Variants in ASAP3 observed in about 807,000 individuals in gnomAD.
The protein encoded by ASAP3 is arf-GAP with SH3 domain, ANK repeat and PH domain-containing protein 3.
A neutral mutation model predicts 118.2 loss-of-function variants in ASAP3; 85 were observed. The ratio of observed to expected loss-of-function variants is 0.72; its 90% CI spans 0.60 to 0.86. The LOEUF (loss-of-function observed/expected upper bound fraction) is 0.86, where lower values mean the gene tolerates loss of function less well. Ranked by LOEUF, ASAP3 falls within the 40% of genes least tolerant of loss-of-function variation. The pLI, the probability that ASAP3 is intolerant of heterozygous loss-of-function variation, is 0.00. For missense variants in ASAP3, 1,026 were observed against 1,175.0 expected, an observed-to-expected ratio of 0.87 and a Z score of 1.85; for synonymous variants, 432 against 477.4, an observed-to-expected ratio of 0.90 and a Z score of 1.24.
intron 1 of ASAP3, among the ~76,000 whole-genome samples, chr1:23,470,428 C>T (rs2148656969): frequency 6.6e-6 from 1 of 152,312 alleles, no homozygotes; most frequent in Admixed American, 6.5e-5. Flanking sequence ...ACCAAGGTGG[C>T]CCTTGGCCCT....
At chr1:23,459,482 C>A (rs1013864561) in intron 1 of ASAP3, among the ~76,000 whole-genome samples, 10 of 141,346 alleles carry the variant, frequency 7.1e-5, no homozygotes, top group African/African-American at 2.5e-4. Flanking sequence ...CTAAACCAAT[C>A]AGATTCTCTC....
intron 5 of ASAP3, among the ~76,000 whole-genome samples, chr1:23,449,213 T>A (rs189703656): frequency 3.0e-4 from 45 of 152,330 alleles, no homozygotes; most frequent in Admixed American, 9.2e-4. Flanking sequence ...TGGTCCTAGT[T>A]CTGGCTCATA....
intron 1 of ASAP3, among the ~76,000 whole-genome samples, chr1:23,471,040 C>G (rs959425807): frequency 6.6e-6 from 1 of 152,254 alleles, no homozygotes; most frequent in African/African-American, 2.4e-5. Flanking sequence ...TTGGACAGAG[C>G]AGCAAACAGT....
chr1:23,441,530 C>G (rs544778030), intron 8 of ASAP3, 57 bp from the exon 9 acceptor site: 15 of 1,605,950 alleles, frequency 9.3e-6, no homozygotes, highest in Non-Finnish European at 1.3e-5. Context: ...AGGCACAGAG[C>G]CCAGACCCAG....
chr1:23,475,855 A>T (rs1170643443), intron 1 of ASAP3, among the ~76,000 whole-genome samples: 1 of 152,156 alleles, frequency 6.6e-6, no homozygotes, highest in Non-Finnish European at 1.5e-5. Context: ...GTGCCTGTGG[A>T]AGCACGAGGA....
intron 3 of ASAP3, among the ~76,000 whole-genome samples, chr1:23,454,175 C>A (rs932101462): frequency 6.2e-5 from 9 of 144,922 alleles, no homozygotes; most frequent in Admixed American, 1.5e-4. Context: ...CATACGCCCC[C>A]ACACCTGGCA....
chr1:23,475,747 G>A (rs746452546), intron 1 of ASAP3, among the ~76,000 whole-genome samples: 10 of 152,166 alleles, frequency 6.6e-5, no homozygotes, highest in Non-Finnish European at 1.3e-4. Flanking sequence ...AAGGCAAGAG[G>A]ATCACTTAAG....
chr1:23,476,855 G>A (rs1642144160), intron 1 of ASAP3, among the ~76,000 whole-genome samples: 1 of 151,810 alleles, frequency 6.6e-6, no homozygotes, highest in South Asian at 2.1e-4. Context: ...TATTCTCTAT[G>A]AATGCTCCTT....
chr1:23,458,016 C>G (rs1641444174), intron 1 of ASAP3, among the ~76,000 whole-genome samples: 1 of 152,220 alleles, frequency 6.6e-6, no homozygotes, highest in Non-Finnish European at 1.5e-5. Context: ...CTAGGAAGGT[C>G]TGCCAAGTTC....
chr1:23,484,128 C>T lies in ASAP3; in HGVS notation c.6G>A (p.Pro2=), dbSNP rs2148671579. The stretch of plus-strand genomic sequence containing the variant: ...GGAACTCGGCGACGCTGAACTGCTC[C>T]GGCATGGCGGGCGCGAGCGTGGAGC... M[P]EQFSVAEFLA... Residue 2 remains proline (P), a synonymous_variant, in exon 1 of 25, where the codon CCG becomes CCA. Coordinates refer to ENST00000336689, the MANE Select transcript of ASAP3 (RefSeq NM_017707.4). 1.6e-6 allele frequency: 2 copies of T among 1,281,380 alleles called. No homozygotes were observed. The highest frequency in any genetic ancestry group is 3.1e-5 in the East Asian group (1 of 32,632). The allele number at this position is 1,281,380 out of a possible 1,614,324, so 79.4% of individuals were successfully genotyped here. A position where few individuals can be genotyped will look rare whatever the true frequency, so the allele number is the denominator to read the frequency against.
chr1:23,464,378 G>A (rs1334590880), intron 1 of ASAP3, among the ~76,000 whole-genome samples: 1 of 151,512 alleles, frequency 6.6e-6, no homozygotes. Flanking sequence ...GTAGAGATGG[G>A]GTTTCGCCAT....
intron 3 of ASAP3, among the ~76,000 whole-genome samples, chr1:23,455,356 G>A (rs904962034): frequency 2.0e-5 from 3 of 152,236 alleles, no homozygotes; most frequent in African/African-American, 7.2e-5. Flanking sequence ...AGTCACCAAG[G>A]AGGCCATCGG....
intron 1 of ASAP3, among the ~76,000 whole-genome samples, chr1:23,468,436 G>A (rs537035503): frequency 5.3e-5 from 8 of 152,230 alleles, no homozygotes; most frequent in South Asian, 2.1e-4. Context: ...AACAGTATAC[G>A]TGATGTGGGA....
At chr1:23,451,197 A>G (rs1641203646) in intron 5 of ASAP3, among the ~76,000 whole-genome samples, 1 of 152,200 alleles carries the variant, frequency 6.6e-6, no homozygotes. Flanking sequence ...GTGTTTGGTC[A>G]GTGCTAGCTC....
chr1:23,483,706 C>A (rs1174875273), intron 1 of ASAP3, among the ~76,000 whole-genome samples: 1 of 152,188 alleles, frequency 6.6e-6, no homozygotes, highest in Non-Finnish European at 1.5e-5. Flanking sequence ...GGCTGGAAGG[C>A]GCTAGGCAAA....
At chr1:23,477,565 A>G (rs1642172850) in intron 1 of ASAP3, among the ~76,000 whole-genome samples, 1 of 151,874 alleles carries the variant, frequency 6.6e-6, no homozygotes, top group South Asian at 2.1e-4. Flanking sequence ...TCACCTGGAG[A>G]TGGGAGGTAA....
chr1:23,439,252 G>T (rs1430855550), intron 10 of ASAP3, 22 bp from the exon 11 acceptor site: 1 of 1,612,664 alleles, frequency 6.2e-7, no homozygotes, highest in South Asian at 1.1e-5. Context: ...AGGGATAGAA[G>T]GACAGTGACC....
chr1:23,441,003 C>A, intron 10 of ASAP3, 99 bp downstream of exon 10: 1 of 1,160,190 alleles, frequency 8.6e-7, no homozygotes, highest in Non-Finnish European at 1.3e-6. Context: ...TCGGTGTCTA[C>A]ACAAATGATT....
rs760180063 is a variant in ASAP3 at position 23,434,321 on chromosome 1, G to A, written c.1884C>T (p.Tyr628=). ...KAADGNTALH[Y]AALYNQPDCL... ...AGTCGGGCTGGTTGTAGAGTGCTGC[G>A]TAGTGCAGAGCCGTGTTCCCGTCAG... The change falls in exon 19 of 25, where the codon TAC becomes TAT. Residue 628 remains tyrosine (Y), a synonymous_variant. Coordinates refer to ENST00000336689, the MANE Select transcript of ASAP3 (RefSeq NM_017707.4). 2.2e-5 allele frequency: 36 copies of A among 1,614,108 alleles called. No homozygotes were observed. Among genetic ancestry groups the A allele is most frequent in the East Asian group, 6.7e-5 (3 of 44,898 alleles).
Sources: gnomAD v4.1 joint callset for allele counts (sites outside exome capture counted in the v4.1 genomes callset) on GRCh38, gnomAD v4.1.1 for gene constraint, MANE v1.5 for transcripts, NCBI Gene and HGNC (gene_info 2026-07-23, HGNC 2026-07-21) for gene names.